The following CPM variants were observed in gnomAD, a reference collection of about 807,000 sequenced individuals.
The protein encoded by CPM is renal carboxypeptidase.
In CPM, 35 loss-of-function variants were observed where a neutral mutation model predicts 46.4. The ratio of observed to expected loss-of-function variants is 0.75; its 90% CI spans 0.58 to 1.00. CPM has a LOEUF of 1.00. CPM is among the 50% of genes least tolerant of loss of function. The pLI, the probability that CPM is intolerant of heterozygous loss-of-function variation, is 0.00. For synonymous variants in CPM, 195 were observed against 195.3 expected (o/e 1.00, Z 0.01); for missense variants, 422 against 530.4 (o/e 0.80, Z 2.01).
intron 8 of CPM, 109 bp downstream of exon 8, chr12:68,858,814 G>C (rs58495062): frequency 0.19 from 109,998 of 569,258 alleles, 11,689 homozygotes; most frequent in African/African-American, 0.31. Context: ...TTTCTGTCTC[G>C]ATGGATCTAC....
intron 2 of CPM, among the ~76,000 whole-genome samples, chr12:68,929,138 T>TA (rs566819614): frequency 2.0e-5 from 3 of 152,158 alleles, no homozygotes; most frequent in Admixed American, 2.0e-4. Flanking sequence ...GTTCATTTTT[T>TA]AAAAAAATAA....
At chr12:68,865,812 A>T (rs573835546) in intron 7 of CPM, among the ~76,000 whole-genome samples, 21 of 152,318 alleles carry the variant, frequency 1.4e-4, no homozygotes, top group African/African-American at 4.3e-4. Context: ...TGAACTGTAC[A>T]AGATTCCATC....
intron 1 of CPM, among the ~76,000 whole-genome samples, chr12:68,955,675 C>T (rs745393818): frequency 6.6e-5 from 10 of 152,076 alleles, no homozygotes; most frequent in Non-Finnish European, 1.3e-4. Context: ...TGAGGAGGCC[C>T]AAAGTGGGTA....
intron 2 of CPM, among the ~76,000 whole-genome samples, chr12:68,923,002 A>T (rs111814161): frequency 0.02 from 3,117 of 152,188 alleles, 121 homozygotes; most frequent in African/African-American, 0.071. Context: ...ATCATAGTGC[A>T]GTACAGCCTC....
intron 5 of CPM, 44 bp from the exon 6 acceptor site, chr12:68,869,539 G>A: frequency 6.5e-7 from 1 of 1,543,598 alleles, no homozygotes; most frequent in Non-Finnish European, 8.8e-7. Context: ...TGACTTGAGA[G>A]TAAGAGGAAA....
Position 68,879,335 on chromosome 12 carries a change from ATGTTACTAGGGTTGGCTTAAAACTCTAG to A in CPM, c.258+6429_258+6456del, listed in dbSNP as rs1762157536. ...GCTCTGACCTATGATACTTTGCTTA[ATGTTACTAGGGTTGGCTTAAAACTCTAG>A]GCATTCAATTCTTTTTTTAAGACAG... On this transcript the variant is annotated intron_variant, in intron 3 of 8. Transcript: ENST00000551568. Among the ~76,000 whole-genome samples, 5 of 152,262 alleles carry A rather than the reference ATGTTACTAGGGTTGGCTTAAAACTCTAG, an allele frequency of 3.3e-5. No individual in the cohort carries two copies. The South Asian group carries it at 1.0e-3, about 32-fold the overall frequency.
rs569072655 is a variant in CPM at position 68,843,210 on chromosome 12, TA to T, written c.534-882del. 4.5e-3 allele frequency: 1,021 copies of T among 224,534 alleles called. 8 individuals carry two copies. The highest frequency in any genetic ancestry group is 0.021 in the African/African-American group (950 of 44,896). 13.9% of individuals were successfully genotyped at this position (224,534 alleles called of 1,614,324 possible). ...GGGTACAGAGTTAAATTTGAAGGAA[TA>T]AGTTCTAGCTGAAGTATTATGAACT... is the stretch of plus-strand genomic sequence containing the variant. On this transcript the variant is annotated intron_variant, in intron 5 of 5. Coordinates refer to the CPM transcript ENST00000551897.
At chr12:68,946,984 G>A (rs1888858470) in intron 1 of CPM, among the ~76,000 whole-genome samples, 1 of 152,194 alleles carries the variant, frequency 6.6e-6, no homozygotes, top group Non-Finnish European at 1.5e-5. Context: ...TTGGTCTTCT[G>A]TTTGCTCAGT....
intron 1 of CPM, among the ~76,000 whole-genome samples, chr12:68,948,556 C>T (rs1888884523): frequency 6.6e-6 from 1 of 152,058 alleles, no homozygotes; most frequent in South Asian, 2.1e-4. Flanking sequence ...GGTCCCTCTA[C>T]TCCATTTATC....
intron 2 of CPM, among the ~76,000 whole-genome samples, chr12:68,889,287 A>G (rs1388470403): frequency 6.6e-6 from 1 of 152,150 alleles, no homozygotes; most frequent in Non-Finnish European, 1.5e-5. Context: ...CACCTTTTTA[A>G]ATGGCTGATT....
chr12:68,950,985 C>T (rs1341506845), intron 1 of CPM, among the ~76,000 whole-genome samples: 4 of 152,236 alleles, frequency 2.6e-5, no homozygotes, highest in Non-Finnish European at 5.9e-5. Context: ...TGATCTCCCA[C>T]AATTGCATAA....
At chr12:68,953,624 A>T (rs1303698144) in intron 1 of CPM, among the ~76,000 whole-genome samples, 1 of 152,218 alleles carries the variant, frequency 6.6e-6, no homozygotes, top group Non-Finnish European at 1.5e-5. Flanking sequence ...AACAGTGGCA[A>T]TCCAGACAAG....
At position 68,854,273 on chromosome 12, in the gene CPM, G is replaced by A. The variant is rs1027928934; in HGVS notation, c.*2164C>T. 4.6e-5 allele frequency: 7 copies of A among 152,140 alleles called. No homozygotes were observed. Among genetic ancestry groups the A allele is most frequent in the African/African-American group, 1.7e-4 (7 of 41,422 alleles). The allele number at this position is 152,140 out of a possible 1,614,324, so 9.4% of individuals were successfully genotyped here. The stretch of plus-strand genomic sequence containing the variant: ...GAAGGACTGGGAGTAGCAGTCTCCT[G>A]GCACCCCTTGTTCATTCATTCATTC... On this transcript the variant is annotated 3_prime_UTR_variant, in exon 9 of 9. Transcript: ENST00000551568.
chr12:68,869,578 T>C (rs1885599255), intron 5 of CPM, 83 bp from the exon 6 acceptor site: 2 of 1,241,710 alleles, frequency 1.6e-6, no homozygotes, highest in East Asian at 2.4e-5. Context: ...AAAGACATAA[T>C]CGCATCACAC....
chr12:68,875,195 A>C (rs1885890761), intron 3 of CPM, among the ~76,000 whole-genome samples: 1 of 152,062 alleles, frequency 6.6e-6, no homozygotes, highest in Non-Finnish European at 1.5e-5. Context: ...TACTAAAAAT[A>C]CAAAAATTAG....
chr12:68,854,461 T>C lies in CPM; in HGVS notation c.*1976A>G, dbSNP rs75212149. The C allele has an allele frequency of 1.1e-4, 17 of 152,298 alleles. No individual in the cohort carries two copies. The East Asian group carries it at 2.7e-3, about 24-fold the overall frequency. The allele number at this position is 152,298 out of a possible 1,614,324, so 9.4% of individuals were successfully genotyped here. A position where few individuals can be genotyped will look rare whatever the true frequency, so the allele number is the denominator to read the frequency against. ...CAATAGTAGAGATAACCAGTTTATT[T>C]TGGGGAGCAAAGAGAAAGGGTCCCT... On this transcript the variant is annotated 3_prime_UTR_variant, in exon 9 of 9. Transcript: ENST00000551568.
At chr12:68,905,247 G>A (rs963922050) in intron 2 of CPM, among the ~76,000 whole-genome samples, 10 of 151,792 alleles carry the variant, frequency 6.6e-5, no homozygotes, top group African/African-American at 1.9e-4. Flanking sequence ...CTCATGATAC[G>A]CATGAGAAGG....
chr12:68,905,375 G>C (rs1336918915), intron 2 of CPM, among the ~76,000 whole-genome samples: 2 of 151,570 alleles, frequency 1.3e-5, no homozygotes, highest in Admixed American at 1.3e-4. Context: ...CCACCTCCTG[G>C]GCTCAAAGAA....
intron 1 of CPM, among the ~76,000 whole-genome samples, chr12:68,945,745 T>C (rs1888835560): frequency 6.6e-6 from 1 of 152,064 alleles, no homozygotes; most frequent in East Asian, 1.9e-4. Context: ...CCTTGAGGGA[T>C]TCAGGTAAAT....
Sources: allele counts gnomAD v4.1 joint callset (sites outside exome capture counted in the v4.1 genomes callset), GRCh38; gene constraint gnomAD v4.1.1; transcripts MANE v1.5; gene names NCBI Gene and HGNC (gene_info 2026-07-23, HGNC 2026-07-21).